The following AP3B1 variants were observed in gnomAD, a reference collection of about 807,000 sequenced individuals.
AP3B1 encodes the protein AP-3 complex subunit beta-1.
Under a neutral mutation model 132.5 loss-of-function variants are expected in AP3B1, and 61 were observed. The observed-to-expected ratio is 0.46, with a 90% CI of 0.37 to 0.57. The LOEUF (loss-of-function observed/expected upper bound fraction) is 0.57. Ranked by LOEUF, AP3B1 falls within the 20% of genes least tolerant of loss-of-function variation. The pLI is 0.00. For synonymous variants in AP3B1, 388 were observed against 438.3 expected, an observed-to-expected ratio of 0.89 and a Z score of 1.43; for missense variants, 1,120 against 1,289.4, an observed-to-expected ratio of 0.87 and a Z score of 2.01.
At chr5:78,008,082 T>C (rs1224485464) in intron 26 of AP3B1, among the ~76,000 whole-genome samples, 2 of 152,178 alleles carry the variant, frequency 1.3e-5, no homozygotes, top group African/African-American at 4.8e-5. Context: ...ATTCTCTTTC[T>C]TTATATAGGA....
intron 1 of AP3B1, 137 bp downstream of exon 1, chr5:78,294,315 G>A: frequency 1.6e-6 from 2 of 1,270,380 alleles, no homozygotes; most frequent in East Asian, 4.9e-5. Context: ...CTACCCACCC[G>A]CGGGACACGT....
chr5:78,087,704 T>C (rs1032729445), intron 22 of AP3B1: 3 of 984,770 alleles, frequency 3.0e-6, no homozygotes, highest in Admixed American at 1.2e-4. Context: ...CTTTCCTTAG[T>C]ATAAAAGGGT....
At position 78,198,074 on chromosome 5, in the gene AP3B1, T is replaced by C. The variant is rs1276092878; in HGVS notation, c.787-16412A>G. ...AGGATTTGAACTCGGGAATTATTAT[T>C]CTTTATCCTGTCACCTCTCACCTTT... On this transcript the variant is annotated intron_variant, in intron 7 of 26. Transcript: ENST00000255194. Among the ~76,000 whole-genome samples, 3 of 152,184 alleles carry C rather than the reference T, an allele frequency of 2.0e-5. No homozygotes were observed. In the East Asian group the frequency reaches 5.8e-4, roughly 29 times the overall value.
chr5:78,164,958 T>G (rs1335157116), intron 12 of AP3B1, among the ~76,000 whole-genome samples: 1 of 152,148 alleles, frequency 6.6e-6, no homozygotes, highest in African/African-American at 2.4e-5. Context: ...GATAGTGGAA[T>G]ATAAAAGTCA....
At chr5:78,268,384 A>G (rs924847551) in intron 1 of AP3B1, among the ~76,000 whole-genome samples, 3 of 152,208 alleles carry the variant, frequency 2.0e-5, no homozygotes, top group East Asian at 1.9e-4. Flanking sequence ...CCTTAAAAAA[A>G]TCTTACTGAA....
rs147256264 is a variant in AP3B1 at position 78,095,576 on chromosome 5, G to A, written c.2470+5377C>T. Among the ~76,000 whole-genome samples the A allele has an allele frequency of 3.5e-3, 527 of 152,254 alleles. 2 individuals are homozygous for A. Among genetic ancestry groups the A allele is most frequent in the African/African-American group, 0.012 (504 of 41,546 alleles). ...TGTAGTTTTTTAATTTGGGGTTAAT[G>A]AAAACCCTGAAGAGGGGTTTTCATC... is the stretch of plus-strand genomic sequence containing the variant. On this transcript the variant is annotated intron_variant, in intron 21 of 26. Coordinates refer to ENST00000255194, the MANE Select transcript of AP3B1 (RefSeq NM_003664.5).
At chr5:78,248,255 G>A (rs577162829) in intron 2 of AP3B1, among the ~76,000 whole-genome samples, 4 of 152,130 alleles carry the variant, frequency 2.6e-5, no homozygotes, top group Admixed American at 2.6e-4. Context: ...ACTTTGGGAG[G>A]CTGAGGCAGG....
chr5:78,238,165 T>C (rs1194666540), intron 3 of AP3B1, among the ~76,000 whole-genome samples: 1 of 152,170 alleles, frequency 6.6e-6, no homozygotes, highest in Non-Finnish European at 1.5e-5. Flanking sequence ...AACAGCAGCA[T>C]TAGATTCTCA....
intron 7 of AP3B1, among the ~76,000 whole-genome samples, chr5:78,192,786 C>T (rs578096628): frequency 6.6e-6 from 1 of 152,230 alleles, no homozygotes; most frequent in Non-Finnish European, 1.5e-5. Context: ...CCTCAGAGAG[C>T]TTTCTGGCCT....
chr5:78,166,167 ACACAC>A (rs1743621519), intron 11 of AP3B1, among the ~76,000 whole-genome samples: 1 of 100,156 alleles, frequency 1.0e-5, no homozygotes, highest in African/African-American at 3.7e-5. Context: ...ACACACACAC[ACACAC>A]AAATCATATT....
At chr5:78,179,820 C>A (rs376063164) in intron 8 of AP3B1, among the ~76,000 whole-genome samples, 2 of 152,008 alleles carry the variant, frequency 1.3e-5, no homozygotes, top group East Asian at 3.8e-4. Context: ...AAAAGTTAGC[C>A]TTTACTCATA....
At chr5:78,202,219 G>A (rs186571146) in intron 7 of AP3B1, among the ~76,000 whole-genome samples, 69 of 152,258 alleles carry the variant, frequency 4.5e-4, no homozygotes, top group African/African-American at 1.6e-3. Flanking sequence ...CCCCAGCCAC[G>A]TAGAACTGTA....
At chr5:78,158,348 T>C (rs1447139383) in intron 13 of AP3B1, among the ~76,000 whole-genome samples, 1 of 151,952 alleles carries the variant, frequency 6.6e-6, no homozygotes, top group Non-Finnish European at 1.5e-5. Context: ...TACCAGCTAT[T>C]CAGGAGGCTG....
intron 24 of AP3B1, 29 bp downstream of exon 24, chr5:78,034,332 A>C (rs761328208): frequency 6.4e-7 from 1 of 1,551,802 alleles, no homozygotes; most frequent in South Asian, 1.1e-5. Context: ...TACAGGTTAT[A>C]TAAAAAATAG....
chr5:78,113,753 T>A lies in AP3B1; in HGVS notation c.2248A>T (p.Ser750Cys). The A allele has an allele frequency of 6.2e-7, 1 of 1,613,684 alleles. No homozygotes were observed. The highest frequency in any genetic ancestry group is 1.3e-5 in the African/African-American group (1 of 75,054). The change falls in exon 19 of 27, where the codon AGT (serine) becomes TGT (cysteine). Residue 750 changes from serine to cysteine, a missense_variant and splice_region_variant. Transcript: ENST00000255194. Reference sequence around the variant, plus strand: ...GGAAATTCTGACAAAATAAGTTACCTTTTTCCTTTGGCTTTTGAGTTCCTC... The same window carrying A: ...GGAAATTCTGACAAAATAAGTTACCATTTTCCTTTGGCTTTTGAGTTCCTC... The part of the protein sequence containing the change: ...AKRNSKAKGK[S>C]DSEDGEKENE...
chr5:78,013,611 A>G (rs1242413114), intron 26 of AP3B1, among the ~76,000 whole-genome samples: 1 of 152,222 alleles, frequency 6.6e-6, no homozygotes, highest in Non-Finnish European at 1.5e-5. Flanking sequence ...CCAAGGACCC[A>G]TAAATAAAAC....
chr5:78,078,683 C>A (rs1171808203), intron 22 of AP3B1, among the ~76,000 whole-genome samples: 1 of 152,204 alleles, frequency 6.6e-6, no homozygotes, highest in East Asian at 1.9e-4. Context: ...GAATTACTTG[C>A]TCCCTTGTCT....
chr5:78,180,558 A>G (rs1214801355), intron 8 of AP3B1, among the ~76,000 whole-genome samples: 1 of 152,068 alleles, frequency 6.6e-6, no homozygotes, highest in Admixed American at 6.6e-5. Context: ...GATGCAATGC[A>G]TTAGATAATG....
At chr5:78,035,627 T>C (rs891501532) in intron 23 of AP3B1, among the ~76,000 whole-genome samples, 1 of 152,098 alleles carries the variant, frequency 6.6e-6, no homozygotes, top group African/African-American at 2.4e-5. Context: ...TCAATGCTGA[T>C]TTTAAAATGC....
Sources: allele counts gnomAD v4.1 joint callset (sites outside exome capture counted in the v4.1 genomes callset), GRCh38; gene constraint gnomAD v4.1.1; transcripts MANE v1.5; gene names NCBI Gene and HGNC (gene_info 2026-07-23, HGNC 2026-07-21).